Variants in PLXDC2 observed in about 807,000 individuals in gnomAD.
PLXDC2 encodes plexin domain-containing protein 2.
A neutral mutation model predicts 68.9 loss-of-function variants in PLXDC2; 40 were observed. The ratio of observed to expected loss-of-function variants is 0.58; its 90% CI spans 0.45 to 0.76. The LOEUF (loss-of-function observed/expected upper bound fraction) is 0.76. Among genes scored for constraint, PLXDC2 ranks in the 30% least tolerant of loss-of-function variants. PLXDC2 has a pLI of 0.00. For missense variants in PLXDC2, 644 were observed against 661.9 expected (o/e 0.97, Z 0.30); for synonymous variants, 243 against 234.2 (o/e 1.04, Z -0.34).
chr10:19,968,557 C>A (rs188379451), intron 1 of PLXDC2, among the ~76,000 whole-genome samples: 24 of 152,270 alleles, frequency 1.6e-4, no homozygotes, highest in Non-Finnish European at 2.5e-4. Context: ...AAGTGATACA[C>A]CTGCCTTGGC....
At chr10:19,852,773 C>T (rs532449360) in intron 1 of PLXDC2, among the ~76,000 whole-genome samples, 1 of 152,264 alleles carries the variant, frequency 6.6e-6, no homozygotes, top group Admixed American at 6.5e-5. Context: ...TTTGTCTAGT[C>T]TACAGAATAG....
At chr10:20,069,235 C>A (rs1490955834) in intron 4 of PLXDC2, among the ~76,000 whole-genome samples, 17 of 152,084 alleles carry the variant, frequency 1.1e-4, no homozygotes, top group Non-Finnish European at 2.9e-5. Flanking sequence ...GAAATATCAA[C>A]AAGTAACTGG....
At chr10:20,229,899 A>C (rs564933239) in intron 12 of PLXDC2, among the ~76,000 whole-genome samples, 1 of 152,326 alleles carries the variant, frequency 6.6e-6, no homozygotes, top group African/African-American at 2.4e-5. Context: ...GATTTTTAAC[A>C]CAGTTAACAT....
intron 1 of PLXDC2, among the ~76,000 whole-genome samples, chr10:19,864,076 G>GTGA (rs1837370030): frequency 6.6e-6 from 1 of 152,156 alleles, no homozygotes; most frequent in Admixed American, 6.5e-5. Context: ...GTGCAGTGAT[G>GTGA]TGATCATGGC....
intron 2 of PLXDC2, among the ~76,000 whole-genome samples, chr10:20,013,633 A>C (rs1386129463): frequency 6.6e-6 from 1 of 152,198 alleles, no homozygotes; most frequent in African/African-American, 2.4e-5. Flanking sequence ...GTAAAAGCTA[A>C]TTTAAAATTC....
At chr10:20,155,497 C>T (rs1834205622) in intron 6 of PLXDC2, among the ~76,000 whole-genome samples, 1 of 151,950 alleles carries the variant, frequency 6.6e-6, no homozygotes, top group Admixed American at 6.6e-5. Context: ...ATATCTAATA[C>T]AAGGAAAAGA....
intron 4 of PLXDC2, among the ~76,000 whole-genome samples, chr10:20,072,543 G>A (rs1323256464): frequency 1.7e-5 from 1 of 59,004 alleles, no homozygotes; most frequent in East Asian, 5.6e-4. Context: ...AAGAAAGAAA[G>A]AAAGAAAGAA....
intron 3 of PLXDC2, among the ~76,000 whole-genome samples, chr10:20,058,544 A>G (rs781768365): frequency 6.6e-6 from 1 of 152,242 alleles, no homozygotes; most frequent in Non-Finnish European, 1.5e-5. Flanking sequence ...TGTCCAAGAT[A>G]TCTGTTACAT....
At chr10:19,921,141 G>A (rs574478764) in intron 1 of PLXDC2, among the ~76,000 whole-genome samples, 2 of 148,912 alleles carry the variant, frequency 1.3e-5, no homozygotes, top group South Asian at 2.1e-4. Flanking sequence ...CGCCCAGGGT[G>A]GCCTCAAACT....
chr10:20,044,209 CTG>C lies in PLXDC2; in HGVS notation c.325-2658_325-2657del, dbSNP rs764116223. Reference sequence around the variant, plus strand: ...TCTTTCTTTCTCTCTCTCTCTCTCTCTGTCTTTCTTTCTTTCTTTCTTTCTTT... The same window carrying C: ...TCTTTCTTTCTCTCTCTCTCTCTCTCTCTTTCTTTCTTTCTTTCTTTCTTT... On this transcript the variant is annotated intron_variant, in intron 2 of 13. Coordinates refer to ENST00000377252, the MANE Select transcript of PLXDC2 (RefSeq NM_032812.9). Among the ~76,000 whole-genome samples the C allele has an allele frequency of 5.6e-3, 510 of 91,496 alleles. 8 individuals are homozygous for C. The highest frequency in any genetic ancestry group is 0.014 in the South Asian group (33 of 2,368). 60.0% of individuals were successfully genotyped at this position (91,496 alleles called of 152,430 possible). A position where few individuals can be genotyped will look rare whatever the true frequency, so the allele number is the denominator to read the frequency against.
rs545529822 is a variant in PLXDC2, at chr10:20,186,377, A to G, written c.1061+8968A>G. Among the ~76,000 whole-genome samples, 6 of 152,054 alleles carry G rather than the reference A, an allele frequency of 3.9e-5. 1 individual carries two copies. In the South Asian group the frequency reaches 1.2e-3, roughly 31 times the overall value. ...GATGACCACACTAGCGTAGGTCTGA[A>G]CTACATGAGATTCTTTCTCTAGAGT... On this transcript the variant is annotated intron_variant, in intron 9 of 13. Coordinates refer to ENST00000377252, the MANE Select transcript of PLXDC2 (RefSeq NM_032812.9).
At chr10:20,145,796 G>A (rs772578588) in intron 5 of PLXDC2, among the ~76,000 whole-genome samples, 1 of 151,916 alleles carries the variant, frequency 6.6e-6, no homozygotes, top group African/African-American at 2.4e-5. Flanking sequence ...CTCGTGATCC[G>A]CCTGCCTCGG....
At chr10:20,110,762 A>G (rs113732498) in intron 4 of PLXDC2, among the ~76,000 whole-genome samples, 69 of 152,192 alleles carry the variant, frequency 4.5e-4, no homozygotes, top group African/African-American at 1.5e-3. Flanking sequence ...TAGTTCATCA[A>G]TCTTTCTATT....
Position 20,050,984 on chromosome 10 carries a change from T to G in PLXDC2, c.471+3969T>G, listed in dbSNP as rs138568407. Among the ~76,000 whole-genome samples, 591 of 152,098 alleles carry G rather than the reference T, an allele frequency of 3.9e-3. 7 individuals are homozygous for G. The highest frequency in any genetic ancestry group is 0.013 in the African/African-American group (552 of 41,528). On this transcript the variant is annotated intron_variant, in intron 3 of 13. Coordinates refer to ENST00000377252, the MANE Select transcript of PLXDC2 (RefSeq NM_032812.9). ...CAAAAGCAAAGACATGGAATCAACC[T>G]AAATGCCCATCAATGACAGATTGGA... is the stretch of plus-strand genomic sequence containing the variant.
At chr10:20,238,254 C>A (rs1240286784) in intron 12 of PLXDC2, among the ~76,000 whole-genome samples, 1 of 150,422 alleles carries the variant, frequency 6.6e-6, no homozygotes, top group Non-Finnish European at 1.5e-5. Context: ...TTCATCTTTC[C>A]TCCTTCTTTA....
chr10:20,108,406 T>C (rs955866493), intron 4 of PLXDC2, among the ~76,000 whole-genome samples: 1 of 152,190 alleles, frequency 6.6e-6, no homozygotes. Flanking sequence ...TATTACAGCA[T>C]TAAAGGGAAA....
intron 1 of PLXDC2, among the ~76,000 whole-genome samples, chr10:19,884,115 T>C (rs1298213173): frequency 6.6e-6 from 1 of 151,274 alleles, no homozygotes; most frequent in Non-Finnish European, 1.5e-5. Flanking sequence ...CAGGCTGGTT[T>C]CAAACTCCTG....
chr10:20,044,153 T>C (rs78545782), intron 2 of PLXDC2, among the ~76,000 whole-genome samples: 2 of 148,344 alleles, frequency 1.3e-5, no homozygotes, highest in African/African-American at 5.0e-5. Context: ...TCTTTTTCCT[T>C]CCTTCCTTCC....
intron 1 of PLXDC2, among the ~76,000 whole-genome samples, chr10:19,823,494 C>T (rs1209624451): frequency 6.6e-6 from 1 of 151,174 alleles, no homozygotes; most frequent in Non-Finnish European, 1.5e-5. Flanking sequence ...CCATCCTGGC[C>T]AACATGGTGA....
Sources: gnomAD v4.1 joint callset for allele counts (sites outside exome capture counted in the v4.1 genomes callset) on GRCh38, gnomAD v4.1.1 for gene constraint, MANE v1.5 for transcripts, NCBI Gene and HGNC (gene_info 2026-07-23, HGNC 2026-07-21) for gene names.